The following MCHR2 variants were observed in gnomAD, a reference collection of about 807,000 sequenced individuals.
The protein encoded by MCHR2 is melanin concentrating hormone receptor 2.
A neutral mutation model predicts 24.8 loss-of-function variants in MCHR2; 15 were observed. That is an observed-to-expected ratio of 0.60 (90% confidence interval 0.40 to 0.93). The LOEUF is 0.93. Among genes scored for constraint, MCHR2 ranks in the 40% least tolerant of loss-of-function variants. The pLI is 0.00. For missense variants in MCHR2, 386 were observed against 408.7 expected (o/e 0.94, Z 0.48); for synonymous variants, 151 against 147.6 (o/e 1.02, Z -0.17).
rs577676479 is a variant in MCHR2 at position 99,929,403 on chromosome 6, C to A, written c.707+4995G>T. On this transcript the variant is annotated intron_variant, in intron 5 of 5. Transcript: ENST00000281806. ...ATTCCTGGGTATCCTTGTTAACTTT[C>A]TGTCTCATTGATCTGTCTAATGTTG... is the stretch of plus-strand genomic sequence containing the variant. 8.5e-5 allele frequency among the ~76,000 whole-genome samples: 13 copies of A among 152,252 alleles called. 1 individual carries two copies. The East Asian group carries it at 2.3e-3, about 27-fold the overall frequency.
chr6:99,957,267 G>C (rs976330282), intron 1 of MCHR2, among the ~76,000 whole-genome samples: 1 of 152,060 alleles, frequency 6.6e-6, no homozygotes, highest in Non-Finnish European at 1.5e-5. Flanking sequence ...ATAATTAAGT[G>C]TATTTTATCT....
At chr6:99,933,417 T>A (rs1774585795) in intron 5 of MCHR2, among the ~76,000 whole-genome samples, 1 of 152,180 alleles carries the variant, frequency 6.6e-6, no homozygotes, top group Admixed American at 6.5e-5. Context: ...TCTCACCAAC[T>A]CAGCTCCCTG....
At chr6:99,976,505 A>C (rs1775554617) in intron 1 of MCHR2, among the ~76,000 whole-genome samples, 1 of 152,198 alleles carries the variant, frequency 6.6e-6, no homozygotes, top group African/African-American at 2.4e-5. Context: ...TGTAGGCCCT[A>C]GTTGTGTAGC....
At chr6:99,987,909 C>T (rs1254301165) in intron 1 of MCHR2, among the ~76,000 whole-genome samples, 1 of 152,064 alleles carries the variant, frequency 6.6e-6, no homozygotes, top group Non-Finnish European at 1.5e-5. Context: ...AAACAAGAGA[C>T]TAACAAGTCT....
intron 1 of MCHR2, among the ~76,000 whole-genome samples, chr6:99,969,602 T>C (rs1258828052): frequency 6.6e-6 from 1 of 151,900 alleles, no homozygotes; most frequent in African/African-American, 2.4e-5. Context: ...AGTTTTAGGG[T>C]TCATGTGCAC....
intron 1 of MCHR2, among the ~76,000 whole-genome samples, chr6:99,957,402 A>G (rs1775085265): frequency 6.6e-6 from 1 of 152,126 alleles, no homozygotes; most frequent in African/African-American, 2.4e-5. Context: ...TTTTAAAAAA[A>G]TGTTCTTCAT....
intron 4 of MCHR2, among the ~76,000 whole-genome samples, chr6:99,939,708 GT>G (rs1554193875): frequency 1.2e-3 from 171 of 142,758 alleles, no homozygotes; most frequent in Middle Eastern, 3.7e-3. Flanking sequence ...GCACATTAGT[GT>G]TTTTTTTTTT....
Position 99,943,009 on chromosome 6 carries a change from T to G in MCHR2, c.527A>C (p.Lys176Thr). The G allele has an allele frequency of 6.2e-7, 1 of 1,613,048 alleles. No homozygotes were observed. Among genetic ancestry groups the G allele is most frequent in the Non-Finnish European group, 8.5e-7 (1 of 1,179,324 alleles). ...ACAACTCTCAACACCGTCTTTAAAT[T>G]TGATGACCTTCGAGTAGACCCAGAC... Reference protein sequence around the residue: ...LPVWVYSKVIKFKDGVESCAF... With the variant: ...LPVWVYSKVITFKDGVESCAF... Residue 176 changes from lysine (K) to threonine (T), a missense_variant, in exon 4 of 6, where the codon AAA becomes ACA. Lys to Thr is a moderately conservative substitution (Grantham distance 78). Transcript: ENST00000281806.
chr6:99,923,037 T>A (rs1774271619), intron 5 of MCHR2, among the ~76,000 whole-genome samples: 1 of 152,204 alleles, frequency 6.6e-6, no homozygotes, highest in Non-Finnish European at 1.5e-5. Context: ...GGAATATCTT[T>A]CCATTTTTTG....
Position 99,930,802 on chromosome 6 carries a change from A to G in MCHR2, c.707+3596T>C, listed in dbSNP as rs559174650. On this transcript the variant is annotated intron_variant, in intron 5 of 5. Coordinates refer to ENST00000281806, the MANE Select transcript of MCHR2 (RefSeq NM_001040179.2). ...TGGTTTGAATTTCCTCTTGTAGCTC[A>G]GAGCAGTTTGATCATCTGAAGACTT... Among the ~76,000 whole-genome samples, 914 of 152,222 alleles carry G rather than the reference A, an allele frequency of 6.0e-3. 10 individuals carry two copies. The highest frequency in any genetic ancestry group is 0.021 in the African/African-American group (875 of 41,530).
chr6:99,946,964 G>C (rs538130450), intron 3 of MCHR2, among the ~76,000 whole-genome samples: 2 of 152,220 alleles, frequency 1.3e-5, no homozygotes, highest in Admixed American at 6.5e-5. Context: ...ATGCTTCCTA[G>C]ACAGGCCAGA....
chr6:99,929,303 A>C (rs1438802054), intron 5 of MCHR2, among the ~76,000 whole-genome samples: 1 of 151,772 alleles, frequency 6.6e-6, no homozygotes, highest in Non-Finnish European at 1.5e-5. Flanking sequence ...GCTGAAAAAA[A>C]TGTATATTCT....
At chr6:99,960,796 G>T (rs1340001874) in intron 1 of MCHR2, among the ~76,000 whole-genome samples, 1 of 152,054 alleles carries the variant, frequency 6.6e-6, no homozygotes, top group Non-Finnish European at 1.5e-5. Flanking sequence ...ACTGAAACTG[G>T]ACCCCTTCGT....
At chr6:99,935,778 C>A (rs1344466708) in intron 4 of MCHR2, among the ~76,000 whole-genome samples, 1 of 151,586 alleles carries the variant, frequency 6.6e-6, no homozygotes, top group Non-Finnish European at 1.5e-5. Flanking sequence ...TTTCGAGGAG[C>A]CTTTATAGTG....
intron 1 of MCHR2, among the ~76,000 whole-genome samples, chr6:99,992,496 A>G (rs1042043438): frequency 3.3e-5 from 5 of 152,194 alleles, no homozygotes; most frequent in Non-Finnish European, 7.3e-5. Flanking sequence ...CCAGGCTGAC[A>G]CTAAAAATGA....
At chr6:99,980,030 G>A (rs1457239713) in intron 1 of MCHR2, among the ~76,000 whole-genome samples, 1 of 152,144 alleles carries the variant, frequency 6.6e-6, no homozygotes, top group Admixed American at 6.5e-5. Context: ...TTAAAGTACT[G>A]TCATATGAAC....
At chr6:99,956,596 G>A (rs569517415) in intron 1 of MCHR2, among the ~76,000 whole-genome samples, 49 of 152,166 alleles carry the variant, frequency 3.2e-4, no homozygotes, top group Non-Finnish European at 5.0e-4. Flanking sequence ...AATGCATGGG[G>A]TCTACTGAAC....
chr6:99,939,030 T>A (rs1486801545), intron 4 of MCHR2, among the ~76,000 whole-genome samples: 7 of 152,084 alleles, frequency 4.6e-5, no homozygotes, highest in Admixed American at 1.3e-4. Flanking sequence ...TCCAGTTGTA[T>A]GGAATGTGTT....
At chr6:99,978,137 G>T (rs1005914736) in intron 1 of MCHR2, among the ~76,000 whole-genome samples, 3 of 152,170 alleles carry the variant, frequency 2.0e-5, no homozygotes, top group Non-Finnish European at 4.4e-5. Context: ...TCAGAGACAA[G>T]GTAGGTTTCC....
Sources: allele counts gnomAD v4.1 joint callset (sites outside exome capture counted in the v4.1 genomes callset), GRCh38; gene constraint gnomAD v4.1.1; transcripts MANE v1.5; gene names NCBI Gene and HGNC (gene_info 2026-07-23, HGNC 2026-07-21).